The following RBFOX1 variants were observed in gnomAD, a reference collection of about 807,000 sequenced individuals.
RBFOX1 encodes RNA binding protein fox-1 homolog 1.
In RBFOX1, 8 loss-of-function variants were observed where a neutral mutation model predicts 57.7. That is an observed-to-expected ratio of 0.14 (90% CI 0.08 to 0.25). RBFOX1 has a LOEUF of 0.25. RBFOX1 is among the 10% of genes least tolerant of loss of function. The pLI is 1.00. For missense variants in RBFOX1, 611 were observed against 548.5 expected, an observed-to-expected ratio of 1.11 and a Z score of -1.14; for synonymous variants, 326 against 222.4, an observed-to-expected ratio of 1.47 and a Z score of -4.15.
chr16:6,592,852 C>G (rs1257389049), intron 2 of RBFOX1, among the ~76,000 whole-genome samples: 1 of 152,124 alleles, frequency 6.6e-6, no homozygotes, highest in East Asian at 1.9e-4. Flanking sequence ...TGCTGATTAG[C>G]TGTTTTTTTC....
At chr16:6,772,486 G>A (rs530903503) in intron 3 of RBFOX1, among the ~76,000 whole-genome samples, 8 of 148,464 alleles carry the variant, frequency 5.4e-5, no homozygotes, top group Admixed American at 5.4e-4. Context: ...TGTATGTGTG[G>A]GTATGGGGTG....
At chr16:6,598,608 A>G (rs937572047) in intron 2 of RBFOX1, among the ~76,000 whole-genome samples, 1 of 152,086 alleles carries the variant, frequency 6.6e-6, no homozygotes, top group Non-Finnish European at 1.5e-5. Flanking sequence ...TGATCTATAC[A>G]TATGATAAAC....
intron 11 of RBFOX1, among the ~76,000 whole-genome samples, chr16:7,651,051 T>C (rs2064943312): frequency 6.6e-6 from 1 of 151,600 alleles, no homozygotes; most frequent in Non-Finnish European, 1.5e-5. Flanking sequence ...AATGGCATGA[T>C]CTATCTTTAG....
At chr16:7,107,102 G>A (rs2063753966) in intron 4 of RBFOX1, among the ~76,000 whole-genome samples, 2 of 152,254 alleles carry the variant, frequency 1.3e-5, no homozygotes, top group Admixed American at 6.5e-5. Context: ...TGTTTCGAAA[G>A]TTGGGAGGAC....
intron 3 of RBFOX1, among the ~76,000 whole-genome samples, chr16:6,945,922 C>G (rs1350228171): frequency 1.3e-5 from 2 of 152,202 alleles, no homozygotes; most frequent in East Asian, 1.9e-4. Context: ...GGTGCTAACC[C>G]TAAGCCCCCA....
chr16:5,704,868 T>C (rs186460894), intron 3 of RBFOX1, among the ~76,000 whole-genome samples: 18 of 152,262 alleles, frequency 1.2e-4, no homozygotes, highest in African/African-American at 1.7e-4. Context: ...TAATTTGAAT[T>C]AGGAATGAGA....
At chr16:7,536,697 C>G (rs915458998) in intron 5 of RBFOX1, among the ~76,000 whole-genome samples, 1 of 152,190 alleles carries the variant, frequency 6.6e-6, no homozygotes, top group Non-Finnish European at 1.5e-5. Flanking sequence ...GATGCAGGGG[C>G]GTGTGGAAGC....
chr16:5,626,030 C>T (rs2048340526), intron 3 of RBFOX1, among the ~76,000 whole-genome samples: 1 of 152,196 alleles, frequency 6.6e-6, no homozygotes, highest in Non-Finnish European at 1.5e-5. Flanking sequence ...GCATGTGCCA[C>T]CACGCCTGGC....
intron 2 of RBFOX1, among the ~76,000 whole-genome samples, chr16:6,645,574 C>T (rs1045794520): frequency 5.3e-5 from 8 of 152,212 alleles, no homozygotes; most frequent in South Asian, 2.1e-4. Context: ...AAGTCTCTCT[C>T]GGGAGAGAGA....
At chr16:5,908,123 C>G (rs140116952) in intron 4 of RBFOX1, among the ~76,000 whole-genome samples, 5 of 128,522 alleles carry the variant, frequency 3.9e-5, no homozygotes, top group African/African-American at 1.2e-4. Context: ...CATATATACA[C>G]ATATATATAT....
chr16:5,825,727 T>G (rs754369043), intron 3 of RBFOX1, among the ~76,000 whole-genome samples: 1 of 151,912 alleles, frequency 6.6e-6, no homozygotes, highest in Non-Finnish European at 1.5e-5. Flanking sequence ...ACTCCCTGTT[T>G]CCTCCTTCCC....
chr16:6,326,112 C>T (rs755674983), intron 2 of RBFOX1, among the ~76,000 whole-genome samples: 3 of 152,176 alleles, frequency 2.0e-5, no homozygotes, highest in African/African-American at 7.2e-5. Flanking sequence ...AATAAATTGT[C>T]TTGCAAAACT....
rs145779266 is a variant in RBFOX1 at position 7,617,161 on chromosome 16, C to T, written c.676+9823C>T. 1.3e-3 allele frequency among the ~76,000 whole-genome samples: 201 copies of T among 152,212 alleles called. 1 individual carries two copies. The highest frequency in any genetic ancestry group is 2.1e-3 in the Non-Finnish European group (142 of 68,020). On this transcript the variant is annotated intron_variant, in intron 10 of 15. Coordinates refer to ENST00000550418, the MANE Select transcript of RBFOX1 (RefSeq NM_018723.4). ...GAATGTACAGCTTGTTAGCTTAAAG[C>T]AGGGGTCTTCAAACAACTTATCACT...
chr16:5,314,873 A>G (rs1310445504), intron 1 of RBFOX1, among the ~76,000 whole-genome samples: 2 of 152,134 alleles, frequency 1.3e-5, no homozygotes, highest in African/African-American at 2.4e-5. Flanking sequence ...AAAAACTTCA[A>G]GTAGTGATAT....
chr16:5,864,726 A>G (rs971938298), intron 3 of RBFOX1, among the ~76,000 whole-genome samples: 1 of 152,170 alleles, frequency 6.6e-6, no homozygotes, highest in Non-Finnish European at 1.5e-5. Flanking sequence ...CAGAAACTGG[A>G]AGTCCAACAG....
At chr16:6,512,942 CA>C (rs1288336202) in intron 2 of RBFOX1, among the ~76,000 whole-genome samples, 1 of 152,196 alleles carries the variant, frequency 6.6e-6, no homozygotes, top group African/African-American at 2.4e-5. Context: ...TGCTGTTACA[CA>C]TGAAGTTTTG....
rs549207403 is a variant in RBFOX1, at chr16:7,653,974, C to T, written c.890+27C>T. ...TAAGTGGGGCAGCCTCCTGGGTGGGCCTCCCTGCACCAGCCCTCCCTCCCC... is the reference window on the plus strand; with the variant it reads ...TAAGTGGGGCAGCCTCCTGGGTGGGTCTCCCTGCACCAGCCCTCCCTCCCC... On this transcript the variant is annotated intron_variant, in intron 12 of 15. Transcript: ENST00000550418. 8.2e-6 allele frequency: 12 copies of T among 1,465,054 alleles called. No homozygotes were observed. The East Asian group carries it at 2.5e-4, about 30-fold the overall frequency. 90.8% of individuals were successfully genotyped at this position (1,465,054 alleles called of 1,614,324 possible). A position where few individuals can be genotyped will look rare whatever the true frequency, so the allele number is the denominator to read the frequency against.
At chr16:6,732,190 C>A (rs2068788922) in intron 3 of RBFOX1, among the ~76,000 whole-genome samples, 1 of 152,178 alleles carries the variant, frequency 6.6e-6, no homozygotes, top group Non-Finnish European at 1.5e-5. Flanking sequence ...ATTGACTTTC[C>A]CTGCTTACTC....
intron 1 of RBFOX1, among the ~76,000 whole-genome samples, chr16:6,154,892 G>T (rs960426890): frequency 4.6e-5 from 7 of 152,142 alleles, no homozygotes; most frequent in African/African-American, 1.7e-4. Context: ...AAGCAATTGT[G>T]TGTTTCCATA....
Sources: gnomAD v4.1 joint callset for allele counts (sites outside exome capture counted in the v4.1 genomes callset) on GRCh38, gnomAD v4.1.1 for gene constraint, MANE v1.5 for transcripts, NCBI Gene and HGNC (gene_info 2026-07-23, HGNC 2026-07-21) for gene names.